Variants in NIPBL observed in about 807,000 individuals in gnomAD.
NIPBL encodes the protein NIPBL cohesin loading factor.
Under a neutral mutation model 321.8 loss-of-function variants are expected in NIPBL, and 19 were observed. The observed-to-expected ratio is 0.06, with a 90% CI of 0.04 to 0.09. The LOEUF (loss-of-function observed/expected upper bound fraction) is 0.09, where lower values mean the gene tolerates loss of function less well. Ranked by LOEUF, NIPBL falls within the 10% of genes least tolerant of loss-of-function variation. The probability of loss-of-function intolerance (pLI) is 1.00; values close to 1 mark genes in which losing one functional copy is unlikely to be tolerated. For synonymous variants in NIPBL, 1,106 were observed against 1,114.1 expected, an observed-to-expected ratio of 0.99 and a Z score of 0.14; for missense variants, 2,210 against 3,327.0, an observed-to-expected ratio of 0.66 and a Z score of 8.26.
Position 36,929,478 on chromosome 5 carries a change from T to G in NIPBL, c.-79-24140T>G, listed in dbSNP as rs201781241. Reference sequence around the variant, plus strand: ...ACAAGAGCTTCATCAGATTTGTGATTTGGCAATATTTTCTCCCAGTCTATG... The same window carrying G: ...ACAAGAGCTTCATCAGATTTGTGATGTGGCAATATTTTCTCCCAGTCTATG... On this transcript the variant is annotated intron_variant, in intron 1 of 46. Coordinates refer to ENST00000282516, the MANE Select transcript of NIPBL (RefSeq NM_133433.4). 1.3e-4 allele frequency among the ~76,000 whole-genome samples: 20 copies of G among 152,240 alleles called. No homozygotes were observed. The East Asian group carries it at 3.7e-3, about 28-fold the overall frequency.
At chr5:37,057,082 C>T in intron 42 of NIPBL, 104 bp from the exon 43 acceptor site, 2 of 1,093,524 alleles carry the variant, frequency 1.8e-6, no homozygotes, top group Admixed American at 2.0e-5. Context: ...CTCTGTCTAA[C>T]ATTAAGTGAG....
intron 44 of NIPBL, 43 bp from the exon 45 acceptor site, chr5:37,060,800 GT>G (rs1464426948): frequency 1.9e-5 from 30 of 1,539,692 alleles, no homozygotes; most frequent in Non-Finnish European, 2.6e-5. Context: ...CAAATACGTT[GT>G]TTCCATAGTT....
chr5:36,898,717 G>T (rs1162553540), intron 1 of NIPBL, among the ~76,000 whole-genome samples: 2 of 151,980 alleles, frequency 1.3e-5, no homozygotes, highest in Non-Finnish European at 2.9e-5. Context: ...CTCCATGTTG[G>T]TCAGGCTGGT....
rs1751672426 is a variant in NIPBL, at chr5:37,036,300, A to G, written c.5863-79A>G. ...AATGTGTTTATATTATTATTGCCTA[A>G]TGAATAATTATACCGGGATTTTTTT... On this transcript the variant is annotated intron_variant, in intron 32 of 46. Transcript: ENST00000282516. The G allele has an allele frequency of 1.7e-5, 5 of 302,248 alleles. No individual in the cohort carries two copies. The South Asian group carries it at 6.4e-4, about 39-fold the overall frequency. 18.7% of individuals were successfully genotyped at this position (302,248 alleles called of 1,614,324 possible).
intron 29 of NIPBL, among the ~76,000 whole-genome samples, chr5:37,024,024 G>A (rs1454875627): frequency 6.6e-6 from 1 of 151,906 alleles, no homozygotes; most frequent in Non-Finnish European, 1.5e-5. Flanking sequence ...AATTAGCCAG[G>A]CGTGGTGGTA....
intron 1 of NIPBL, among the ~76,000 whole-genome samples, chr5:36,948,569 A>G (rs1038265794): frequency 2.0e-5 from 3 of 151,900 alleles, no homozygotes; most frequent in African/African-American, 7.2e-5. Context: ...GCTCATTTTT[A>G]GTGTATTCAA....
intron 6 of NIPBL, among the ~76,000 whole-genome samples, 197 bp from the exon 7 acceptor site, chr5:36,970,679 G>T (rs1742755284): frequency 6.6e-6 from 1 of 151,930 alleles, no homozygotes; most frequent in African/African-American, 2.4e-5. Flanking sequence ...AACTATATTT[G>T]TAATGTTTTA....
At chr5:36,977,699 C>T (rs12520272) in intron 9 of NIPBL, among the ~76,000 whole-genome samples, 12,962 of 150,938 alleles carry the variant, frequency 0.086, 603 homozygotes, top group Middle Eastern at 0.13. Flanking sequence ...GTAGTGAACC[C>T]GTCACCCAAA....
chr5:37,032,892 G>A (rs576945389), intron 32 of NIPBL, among the ~76,000 whole-genome samples: 2 of 152,264 alleles, frequency 1.3e-5, no homozygotes, highest in South Asian at 2.1e-4. Context: ...TTAAGATGGT[G>A]TAAAAAATAT....
At chr5:36,983,244 T>C (rs560823016) in intron 9 of NIPBL, among the ~76,000 whole-genome samples, 1 of 151,980 alleles carries the variant, frequency 6.6e-6, no homozygotes, top group African/African-American at 2.4e-5. Flanking sequence ...GTTTTGCAAA[T>C]GGAGCATGTG....
intron 1 of NIPBL, among the ~76,000 whole-genome samples, chr5:36,906,024 G>A (rs1474638224): frequency 7.2e-5 from 11 of 152,058 alleles, no homozygotes; most frequent in African/African-American, 2.2e-4. Flanking sequence ...GATTACAGGC[G>A]TGAGCCACTG....
chr5:36,954,513 A>G (rs1330763391), intron 2 of NIPBL, among the ~76,000 whole-genome samples: 1 of 152,164 alleles, frequency 6.6e-6, no homozygotes, highest in Non-Finnish European at 1.5e-5. Context: ...AGGTAAGAAA[A>G]CTTTTTGAAA....
chr5:36,955,426 T>G (rs780529902), intron 2 of NIPBL, 46 bp from the exon 3 acceptor site: 4 of 1,498,320 alleles, frequency 2.7e-6, no homozygotes, highest in Non-Finnish European at 3.7e-6. Flanking sequence ...CTAAAGAGAC[T>G]TCTATAGTCA....
At chr5:36,919,633 A>G (rs571569667) in intron 1 of NIPBL, among the ~76,000 whole-genome samples, 3 of 152,336 alleles carry the variant, frequency 2.0e-5, no homozygotes, top group South Asian at 2.1e-4. Context: ...GGAGCTTTCA[A>G]TTTTGTAGGC....
chr5:36,951,912 G>A (rs1740334926), intron 1 of NIPBL, among the ~76,000 whole-genome samples: 1 of 151,664 alleles, frequency 6.6e-6, no homozygotes, highest in Admixed American at 6.6e-5. Context: ...GAAAAAAGAG[G>A]AAATGATTAC....
intron 32 of NIPBL, among the ~76,000 whole-genome samples, chr5:37,028,603 AG>A (rs1240506452): frequency 6.6e-6 from 1 of 152,100 alleles, no homozygotes; most frequent in Non-Finnish European, 1.5e-5. Flanking sequence ...GGCCTCCCAA[AG>A]TGCTGAGATA....
At chr5:36,943,548 A>C (rs1389009734) in intron 1 of NIPBL, among the ~76,000 whole-genome samples, 1 of 146,936 alleles carries the variant, frequency 6.8e-6, no homozygotes, top group South Asian at 2.1e-4. Context: ...ATGTAACTAT[A>C]AAAAAAAAAC....
intron 6 of NIPBL, 107 bp from the exon 7 acceptor site, chr5:36,970,766 ATAT>A (rs1742765943): frequency 5.3e-6 from 5 of 938,692 alleles, no homozygotes; most frequent in South Asian, 4.3e-5. Flanking sequence ...AGTATCTGTT[ATAT>A]TATTCTCTGT....
At chr5:36,924,142 C>G (rs1405651884) in intron 1 of NIPBL, among the ~76,000 whole-genome samples, 2 of 152,100 alleles carry the variant, frequency 1.3e-5, no homozygotes, top group African/African-American at 4.8e-5. Flanking sequence ...TAGCTCTTAA[C>G]TTTGGATAAC....
Sources: allele counts gnomAD v4.1 joint callset (sites outside exome capture counted in the v4.1 genomes callset), GRCh38; gene constraint gnomAD v4.1.1; transcripts MANE v1.5; gene names NCBI Gene and HGNC (gene_info 2026-07-23, HGNC 2026-07-21).